TMEM156: variants seen among roughly 807,000 people sequenced by gnomAD.
TMEM156 encodes the protein transmembrane protein 156.
TMEM156 carries 28 observed loss-of-function variants against 30.5 expected under a neutral mutation model. That is an observed-to-expected ratio of 0.92 (90% confidence interval 0.68 to 1.26). The LOEUF is 1.26. Ranked by LOEUF, TMEM156 falls within the 50% of genes most tolerant of loss-of-function variation. The probability of loss-of-function intolerance (pLI) is 0.00; values close to 1 mark genes in which losing one functional copy is unlikely to be tolerated. For synonymous variants in TMEM156, 137 were observed against 119.9 expected (o/e 1.14, Z -0.93); for missense variants, 351 against 340.6 (o/e 1.03, Z -0.24).
intron 5 of TMEM156, among the ~76,000 whole-genome samples, chr4:38,976,230 G>T (rs546166048): frequency 6.9e-6 from 1 of 145,926 alleles, no homozygotes; most frequent in African/African-American, 2.6e-5. Context: ...GGCGGAAGTT[G>T]CAGTGAGCCA....
At chr4:39,016,140 C>A (rs923903318) in intron 1 of TMEM156, among the ~76,000 whole-genome samples, 2 of 152,026 alleles carry the variant, frequency 1.3e-5, no homozygotes, top group African/African-American at 4.8e-5. Flanking sequence ...TTTGGGAGGC[C>A]AAGGCAGGCA....
intron 6 of TMEM156, among the ~76,000 whole-genome samples, chr4:38,970,090 G>C (rs1722523792): frequency 6.6e-6 from 1 of 152,012 alleles, no homozygotes; most frequent in African/African-American, 2.4e-5. Context: ...AGTGTCCCTT[G>C]ACCAAATGTC....
chr4:38,967,705 A>G (rs536058906), intron 6 of TMEM156, 64 bp from the exon 7 acceptor site: 53 of 152,378 alleles, frequency 3.5e-4, no homozygotes, highest in African/African-American at 1.2e-3. Flanking sequence ...GTGTTACTTG[A>G]ATTAGAATGG....
chr4:38,993,589 A>G, intron 3 of TMEM156, 149 bp downstream of exon 3: 1 of 714,948 alleles, frequency 1.4e-6, no homozygotes, highest in Non-Finnish European at 2.3e-6. Context: ...AAATAAACAG[A>G]TAAATAGACT....
intron 5 of TMEM156, 98 bp from the exon 6 acceptor site, chr4:38,971,235 C>T: frequency 1.8e-6 from 2 of 1,139,068 alleles, no homozygotes; most frequent in East Asian, 2.5e-5. Context: ...GAAGCATGCT[C>T]TACCTCTAGA....
chr4:39,000,690 C>A (rs901904510), intron 1 of TMEM156, among the ~76,000 whole-genome samples: 2 of 152,046 alleles, frequency 1.3e-5, no homozygotes, highest in African/African-American at 4.8e-5. Flanking sequence ...AGTTCGAGAC[C>A]AGCCTGGCCA....
chr4:39,020,542 T>C (rs1410034298), intron 1 of TMEM156, among the ~76,000 whole-genome samples: 1 of 152,012 alleles, frequency 6.6e-6, no homozygotes, highest in African/African-American at 2.4e-5. Context: ...TATTAGTAGT[T>C]CTTATTTTGA....
At chr4:39,000,316 T>C (rs1713246809) in intron 1 of TMEM156, among the ~76,000 whole-genome samples, 1 of 152,088 alleles carries the variant, frequency 6.6e-6, no homozygotes, top group African/African-American at 2.4e-5. Context: ...CACTTAAGCC[T>C]GGGAGGTTGA....
intron 1 of TMEM156, among the ~76,000 whole-genome samples, chr4:39,007,058 C>A (rs1235725901): frequency 6.6e-6 from 1 of 152,118 alleles, no homozygotes; most frequent in Non-Finnish European, 1.5e-5. Context: ...ATTGAGTAGT[C>A]TATCTTTCCT....
chr4:39,007,026 A>G (rs1352390565), intron 1 of TMEM156, among the ~76,000 whole-genome samples: 1 of 152,204 alleles, frequency 6.6e-6, no homozygotes, highest in Non-Finnish European at 1.5e-5. Context: ...TTCTTTATGT[A>G]TAACCAATTA....
intron 5 of TMEM156, among the ~76,000 whole-genome samples, chr4:38,974,925 G>A (rs1055690370): frequency 4.0e-5 from 6 of 151,714 alleles, no homozygotes; most frequent in Admixed American, 2.0e-4. Context: ...CGCCCACCTC[G>A]GCCTCCCAAA....
At chr4:38,984,491 C>T (rs556964312) in intron 5 of TMEM156, among the ~76,000 whole-genome samples, 2 of 151,924 alleles carry the variant, frequency 1.3e-5, no homozygotes, top group South Asian at 2.1e-4. Flanking sequence ...CAGTCACCAC[C>T]GCTTTGAACT....
At chr4:38,969,093 G>A (rs372970057) in intron 6 of TMEM156, among the ~76,000 whole-genome samples, 2 of 152,092 alleles carry the variant, frequency 1.3e-5, no homozygotes, top group African/African-American at 2.4e-5. Context: ...GATATCTGTC[G>A]CCCAAGTACA....
chr4:38,999,452 C>T (rs1713183861), intron 1 of TMEM156, among the ~76,000 whole-genome samples: 1 of 149,074 alleles, frequency 6.7e-6, no homozygotes, highest in South Asian at 2.1e-4. Flanking sequence ...TTTTTATGGA[C>T]AAACCTTAGA....
intron 5 of TMEM156, among the ~76,000 whole-genome samples, chr4:38,976,660 A>G (rs1404217863): frequency 6.6e-6 from 1 of 152,232 alleles, no homozygotes; most frequent in African/African-American, 2.4e-5. Context: ...ACAGAAAGCT[A>G]ATAAGTACAG....
chr4:38,977,304 A>G (rs1722904330), intron 5 of TMEM156, among the ~76,000 whole-genome samples: 1 of 152,228 alleles, frequency 6.6e-6, no homozygotes, highest in Non-Finnish European at 1.5e-5. Context: ...TTGAAAAGCC[A>G]AACCGCTGGT....
At chr4:39,015,441 G>T (rs1439650597) in intron 1 of TMEM156, among the ~76,000 whole-genome samples, 2 of 152,186 alleles carry the variant, frequency 1.3e-5, no homozygotes, top group African/African-American at 2.4e-5. Context: ...GCAGGCCATT[G>T]CTGGCTTTGA....
At chr4:38,984,885 ACAG>A (rs1711865124) in intron 5 of TMEM156, among the ~76,000 whole-genome samples, 1 of 152,198 alleles carries the variant, frequency 6.6e-6, no homozygotes, top group Admixed American at 6.5e-5. Flanking sequence ...GATGGCTAAG[ACAG>A]GTTTCTTTGG....
intron 1 of TMEM156, among the ~76,000 whole-genome samples, chr4:39,004,165 A>T (rs941446088): frequency 4.6e-5 from 7 of 152,230 alleles, no homozygotes; most frequent in African/African-American, 1.7e-4. Context: ...TACTGCTGAG[A>T]GTCAACATCT....
Sources: gnomAD v4.1 joint callset for allele counts (sites outside exome capture counted in the v4.1 genomes callset) on GRCh38, gnomAD v4.1.1 for gene constraint, MANE v1.5 for transcripts, NCBI Gene and HGNC (gene_info 2026-07-23, HGNC 2026-07-21) for gene names.